The following TRAPPC12 variants were observed in gnomAD, a reference collection of about 807,000 sequenced individuals.
The protein encoded by TRAPPC12 is TPR repeat protein 15.
Under a neutral mutation model 69.2 loss-of-function variants are expected in TRAPPC12, and 61 were observed. The observed-to-expected ratio is 0.88, with a 90% CI of 0.72 to 1.09. The LOEUF (loss-of-function observed/expected upper bound fraction) is 1.09, where lower values mean the gene tolerates loss of function less well. Among genes scored for constraint, TRAPPC12 ranks in the 50% least tolerant of loss-of-function variants. The pLI is 0.00. For missense variants in TRAPPC12, 1,101 were observed against 1,016.4 expected (o/e 1.08, Z -1.13); for synonymous variants, 469 against 438.9 (o/e 1.07, Z -0.86).
chr2:3,380,663 G>T (rs2103409427), intron 1 of TRAPPC12, among the ~76,000 whole-genome samples: 1 of 152,270 alleles, frequency 6.6e-6, no homozygotes, highest in Non-Finnish European at 1.5e-5. Flanking sequence ...GGTGGGAGAG[G>T]GACAGGGGAA....
chr2:3,445,483 T>C (rs896353845), intron 6 of TRAPPC12, among the ~76,000 whole-genome samples: 1 of 152,210 alleles, frequency 6.6e-6, no homozygotes, highest in Non-Finnish European at 1.5e-5. Flanking sequence ...GAGCAGGAGC[T>C]TCCCACACCG....
chr2:3,421,839 C>G (rs1662807034), intron 3 of TRAPPC12, 42 bp from the exon 4 acceptor site: 2 of 1,562,780 alleles, frequency 1.3e-6, no homozygotes, highest in East Asian at 2.2e-5. Context: ...TCCACCATGC[C>G]TTGCATGTGT....
In TRAPPC12 at chr2:3,388,032, C is replaced by T. The variant is rs1402241939; in HGVS notation, c.409C>T (p.Arg137Cys). 32 of 1,480,364 alleles carry T rather than the reference C, an allele frequency of 2.2e-5. No homozygotes were observed. The highest frequency in any genetic ancestry group is 2.6e-5 in the Non-Finnish European group (29 of 1,122,000). The allele number at this position is 1,480,364 out of a possible 1,614,324, so 91.7% of individuals were successfully genotyped here. ...AGGGGCCCCGAGGCAGGACGCGGCCCGCGAGGTCCCAGGCAGCGAAGCCGC... is the reference window on the plus strand; with the variant it reads ...AGGGGCCCCGAGGCAGGACGCGGCCTGCGAGGTCCCAGGCAGCGAAGCCGC... ...SGGAPRQDAAREVPGSEAARP... is the reference protein window; with the variant it reads ...SGGAPRQDAACEVPGSEAARP... The change falls in exon 2 of 12, where the codon CGC becomes TGC. Residue 137 changes from arginine to cysteine, a missense_variant. Coordinates refer to ENST00000324266, the MANE Select transcript of TRAPPC12 (RefSeq NM_016030.6).
At chr2:3,477,647 C>T in intron 9 of TRAPPC12, 48 bp from the exon 10 acceptor site, 1 of 1,175,392 alleles carries the variant, frequency 8.5e-7, no homozygotes, top group Non-Finnish European at 1.2e-6. Flanking sequence ...TGAGTATAGA[C>T]TTAATATTTC....
chr2:3,468,431 A>G (rs1367706251), intron 9 of TRAPPC12, among the ~76,000 whole-genome samples: 1 of 144,074 alleles, frequency 6.9e-6, no homozygotes, highest in Non-Finnish European at 1.5e-5. Flanking sequence ...CAGTCCCCCC[A>G]TACAACCGCC....
Position 3,443,773 on chromosome 2 carries a change from T to TTCCAGGCTCCATGGTCGAA in TRAPPC12, c.1428_1429insGAATCCAGGCTCCATGGTC. On this transcript the variant is annotated splice_polypyrimidine_tract_variant and splice_region_variant and intron_variant, in intron 5 of 11. Coordinates refer to ENST00000324266, the MANE Select transcript of TRAPPC12 (RefSeq NM_016030.6). ...ACAAACTCACTCAGCACTGATTGGATTCCAGGCTCCATGGTCCCCTTCTCG... is the reference window on the plus strand; with the variant it reads ...ACAAACTCACTCAGCACTGATTGGATTCCAGGCTCCATGGTCGAATCCAGGCTCCATGGTCCCCTTCTCG... The TTCCAGGCTCCATGGTCGAA allele has an allele frequency of 6.2e-7, 1 of 1,613,536 alleles. No individual in the cohort carries two copies. The highest frequency in any genetic ancestry group is 8.5e-7 in the Non-Finnish European group (1 of 1,179,582).
intron 3 of TRAPPC12, among the ~76,000 whole-genome samples, chr2:3,404,890 G>A (rs2103477157): frequency 6.7e-6 from 1 of 149,244 alleles, no homozygotes; most frequent in South Asian, 2.2e-4. Context: ...GGTTACGGGG[G>A]AGGGGGCGCA....
chr2:3,422,471 AAAAGG>A (rs1441432480), intron 4 of TRAPPC12, among the ~76,000 whole-genome samples: 1 of 152,256 alleles, frequency 6.6e-6, no homozygotes, highest in Non-Finnish European at 1.5e-5. Context: ...ACTTGTGAAC[AAAAGG>A]AAACTCATCT....
Position 3,445,795 on chromosome 2 carries a change from C to T in TRAPPC12, c.1530+1904C>T, listed in dbSNP as rs114690477. On this transcript the variant is annotated intron_variant, in intron 6 of 11. Transcript: ENST00000324266. ...ACAGAAGGACCGAGAGTCCTCTCTT[C>T]CACCCTGCACCAGCATTTCTGCTCC... Among the ~76,000 whole-genome samples, 263 of 152,378 alleles carry T rather than the reference C, an allele frequency of 1.7e-3. 2 individuals carry two copies. Among genetic ancestry groups the T allele is most frequent in the African/African-American group, 6.0e-3 (249 of 41,586 alleles).
intron 9 of TRAPPC12, among the ~76,000 whole-genome samples, chr2:3,473,871 T>G (rs565196767): frequency 6.6e-6 from 1 of 152,324 alleles, no homozygotes; most frequent in South Asian, 2.1e-4. Flanking sequence ...GACTACAGAT[T>G]TAATATCATC....
intron 5 of TRAPPC12, among the ~76,000 whole-genome samples, chr2:3,434,429 T>A (rs1663637735): frequency 6.6e-6 from 1 of 152,254 alleles, no homozygotes; most frequent in African/African-American, 2.4e-5. Flanking sequence ...TTCCTTCGGA[T>A]TTTTATTCTT....
intron 8 of TRAPPC12, chr2:3,461,089 A>G (rs1385697562): frequency 2.0e-5 from 3 of 152,226 alleles, no homozygotes; most frequent in African/African-American, 7.2e-5. Context: ...TCCCACACCC[A>G]TGCGGCTTTC....
At chr2:3,458,665 G>C (rs1558399946) in intron 7 of TRAPPC12, among the ~76,000 whole-genome samples, 1 of 152,186 alleles carries the variant, frequency 6.6e-6, no homozygotes, top group Admixed American at 6.5e-5. Context: ...AGACGGCACT[G>C]TCTGCTCATG....
intron 6 of TRAPPC12, among the ~76,000 whole-genome samples, chr2:3,448,821 G>C (rs962112574): frequency 6.6e-6 from 1 of 152,252 alleles, no homozygotes; most frequent in Admixed American, 6.5e-5. Context: ...GAGGCTCCTG[G>C]TAAGGGAGCA....
intron 3 of TRAPPC12, among the ~76,000 whole-genome samples, chr2:3,409,420 T>C (rs1661914265): frequency 6.6e-6 from 1 of 152,236 alleles, no homozygotes. Context: ...TCTTCTCTTT[T>C]TTTCCTTTAA....
At chr2:3,385,702 G>A (rs1009420285) in intron 1 of TRAPPC12, among the ~76,000 whole-genome samples, 4 of 152,192 alleles carry the variant, frequency 2.6e-5, no homozygotes, top group Non-Finnish European at 5.9e-5. Context: ...TAGATGAGAC[G>A]GAGGGAAGAT....
At chr2:3,431,614 A>G (rs1030678640) in intron 5 of TRAPPC12, among the ~76,000 whole-genome samples, 1 of 151,542 alleles carries the variant, frequency 6.6e-6, no homozygotes, top group African/African-American at 2.4e-5. Context: ...TATTTTTTAA[A>G]TTGTTACACT....
At chr2:3,478,971 C>A in intron 11 of TRAPPC12, 38 bp downstream of exon 11, 1 of 1,593,968 alleles carries the variant, frequency 6.3e-7, no homozygotes, top group South Asian at 1.1e-5. Context: ...CATCCTCTGC[C>A]TTTCACAGAC....
rs1328226786 is a variant in TRAPPC12, at chr2:3,456,121, GT to G, written c.1531-1498del. On this transcript the variant is annotated intron_variant, in intron 6 of 11. Coordinates refer to ENST00000324266, the MANE Select transcript of TRAPPC12 (RefSeq NM_016030.6). ...TTAAACTGGCTAGATTCTTTTCAAG[GT>G]TACAATTTTGAACCCCACCTTGTCC... 8 of 152,278 alleles carry G rather than the reference GT, an allele frequency of 5.3e-5. No homozygotes were observed. In the East Asian group the frequency reaches 1.5e-3, roughly 29 times the overall value. The allele number at this position is 152,278 out of a possible 1,614,324, so 9.4% of individuals were successfully genotyped here.
Sources: gnomAD v4.1 joint callset for allele counts (sites outside exome capture counted in the v4.1 genomes callset) on GRCh38, gnomAD v4.1.1 for gene constraint, MANE v1.5 for transcripts, NCBI Gene and HGNC (gene_info 2026-07-23, HGNC 2026-07-21) for gene names.